FBXO32: variants seen among roughly 807,000 people sequenced by gnomAD.
FBXO32 encodes the protein F-box protein 32, also known as F-box only protein 32.
A neutral mutation model predicts 48.3 loss-of-function variants in FBXO32; 15 were observed. The observed-to-expected ratio is 0.31, with a 90% confidence interval of 0.21 to 0.48. The LOEUF (loss-of-function observed/expected upper bound fraction) is 0.48. Ranked by LOEUF, FBXO32 falls within the 20% of genes least tolerant of loss-of-function variation. FBXO32 has a pLI of 0.99. For missense variants in FBXO32, 309 were observed against 432.7 expected (o/e 0.71, Z 2.54); for synonymous variants, 154 against 165.9 (o/e 0.93, Z 0.55).
intron 1 of FBXO32, among the ~76,000 whole-genome samples, chr8:123,535,937 G>A (rs577749856): frequency 6.7e-6 from 1 of 150,046 alleles, no homozygotes; most frequent in African/African-American, 2.5e-5. Context: ...ATATACATCT[G>A]TTGGGTACAA....
chr8:123,508,367 T>C (rs907168616), intron 6 of FBXO32, among the ~76,000 whole-genome samples: 43 of 152,048 alleles, frequency 2.8e-4, no homozygotes, highest in Non-Finnish European at 2.5e-4. Flanking sequence ...CAAGGGGCCT[T>C]GGGAAGGCTA....
rs1816602290 is a variant in FBXO32, at chr8:123,505,689, C to G, written c.834+703G>C. Among the ~76,000 whole-genome samples the G allele has an allele frequency of 2.0e-5, 3 of 152,204 alleles. No homozygotes were observed. The South Asian group carries it at 6.2e-4, about 32-fold the overall frequency. ...AGGCAGAGGTTGCAGTGAGCTGAAACTGCACCACTGTACTCCAGCCTGGGT... is the reference window on the plus strand; with the variant it reads ...AGGCAGAGGTTGCAGTGAGCTGAAAGTGCACCACTGTACTCCAGCCTGGGT... On this transcript the variant is annotated intron_variant, in intron 7 of 8. Coordinates refer to ENST00000517956, the MANE Select transcript of FBXO32 (RefSeq NM_058229.4).
At chr8:123,512,206 A>T (rs1816749429) in intron 6 of FBXO32, among the ~76,000 whole-genome samples, 1 of 152,158 alleles carries the variant, frequency 6.6e-6, no homozygotes, top group Non-Finnish European at 1.5e-5. Flanking sequence ...GGCTCTAAGG[A>T]AGTCACATAC....
In FBXO32 at chr8:123,520,624, C is replaced by T. The variant is rs569905622; in HGVS notation, c.373-6291G>A. On this transcript the variant is annotated intron_variant, in intron 4 of 8. Transcript: ENST00000517956. ...AAAGTTTGAAGTGGTGTGTGCAAGA[C>T]GAATGGGCAGAAGAGAGATTTCCCT... 1.1e-4 allele frequency among the ~76,000 whole-genome samples: 16 copies of T among 152,248 alleles called. No individual in the cohort carries two copies. The South Asian group carries it at 2.7e-3, about 26-fold the overall frequency.
At chr8:123,507,921 A>G (rs1816661259) in intron 6 of FBXO32, among the ~76,000 whole-genome samples, 2 of 152,198 alleles carry the variant, frequency 1.3e-5, no homozygotes, top group Non-Finnish European at 2.9e-5. Flanking sequence ...GGAGGGAAGC[A>G]CAAAGCGCTG....
chr8:123,502,427 C>T lies in FBXO32; in HGVS notation c.*946G>A, dbSNP rs915175484. Reference sequence around the variant, plus strand: ...CATCTTTTCTGCAGCAGGACTTCCTCTGGGACGGCTTTTGTTTTGTTTTGT... The same window carrying T: ...CATCTTTTCTGCAGCAGGACTTCCTTTGGGACGGCTTTTGTTTTGTTTTGT... On this transcript the variant is annotated 3_prime_UTR_variant, in exon 9 of 9. Coordinates refer to ENST00000517956, the MANE Select transcript of FBXO32 (RefSeq NM_058229.4). The T allele has an allele frequency of 7.2e-5, 11 of 152,296 alleles. No individual in the cohort carries two copies. Among genetic ancestry groups the T allele is most frequent in the African/African-American group, 2.7e-4 (11 of 41,444 alleles). 9.4% of individuals were successfully genotyped at this position (152,296 alleles called of 1,614,324 possible). A position where few individuals can be genotyped will look rare whatever the true frequency, so the allele number is the denominator to read the frequency against.
rs80148293 is a variant in FBXO32, at chr8:123,508,977, C to T, written c.652-2403G>A. ...GTATAAAAGAAAAATTAGTCACTCT[C>T]GCTCCTCTAGTCAAGCATTTGGCTA... On this transcript the variant is annotated intron_variant, in intron 6 of 8. Coordinates refer to ENST00000517956, the MANE Select transcript of FBXO32 (RefSeq NM_058229.4). Among the ~76,000 whole-genome samples, 487 of 152,224 alleles carry T rather than the reference C, an allele frequency of 3.2e-3. 3 individuals carry two copies. The highest frequency in any genetic ancestry group is 0.011 in the African/African-American group (461 of 41,532).
intron 4 of FBXO32, among the ~76,000 whole-genome samples, chr8:123,517,593 A>G (rs956063072): frequency 9.2e-5 from 14 of 151,944 alleles, no homozygotes; most frequent in Admixed American, 7.2e-4. Context: ...TCATTTAGCA[A>G]GTATTTTCTG....
At chr8:123,510,735 A>G (rs1462010941) in intron 6 of FBXO32, among the ~76,000 whole-genome samples, 1 of 152,232 alleles carries the variant, frequency 6.6e-6, no homozygotes. Context: ...ACTCCCTTTC[A>G]ACCATTCATT....
At chr8:123,528,179 G>A (rs1003200897) in intron 4 of FBXO32, among the ~76,000 whole-genome samples, 3 of 152,300 alleles carry the variant, frequency 2.0e-5, no homozygotes, top group East Asian at 1.9e-4. Flanking sequence ...AACAAGCTTC[G>A]AAGGTGATTT....
At chr8:123,522,461 G>A (rs916684323) in intron 4 of FBXO32, among the ~76,000 whole-genome samples, 12 of 151,832 alleles carry the variant, frequency 7.9e-5, no homozygotes, top group African/African-American at 2.2e-4. Flanking sequence ...CACCTGCCTC[G>A]GCCTCCCAAA....
Position 123,506,571 on chromosome 8 carries a change from C to A in FBXO32, c.655G>T (p.Ala219Ser), listed in dbSNP as rs2130502806. The part of the protein sequence containing the change: ...QLNNIQITRP[A>S]FKGLTFTDLP... The stretch of plus-strand genomic sequence containing the variant: ...TCAGTGAAGGTGAGGCCTTTGAAGG[C>A]AGGCTGCAGAGAGAAGGGTGACAAT... The change falls in exon 7 of 9, where the codon GCC (alanine) becomes TCC (serine). Residue 219 changes from alanine (A) to serine (S), a missense_variant. Physicochemically the swap from Ala to Ser is moderately conservative, Grantham distance 99. Coordinates refer to ENST00000517956, the MANE Select transcript of FBXO32 (RefSeq NM_058229.4). The surrounding 1 kb of genome is among the most constrained non-coding windows in gnomAD (Gnocchi z 4.0). 6.3e-7 allele frequency: 1 copy of A among 1,588,148 alleles called. No individual in the cohort carries two copies. Among genetic ancestry groups the A allele is most frequent in the South Asian group, 1.1e-5 (1 of 88,382 alleles).
At chr8:123,521,858 T>G (rs1204814931) in intron 4 of FBXO32, among the ~76,000 whole-genome samples, 1 of 152,106 alleles carries the variant, frequency 6.6e-6, no homozygotes, top group East Asian at 1.9e-4. Flanking sequence ...TATAGGAAGG[T>G]TGCGTCTTCT....
chr8:123,527,710 C>T (rs902695524), intron 4 of FBXO32, among the ~76,000 whole-genome samples: 2 of 152,152 alleles, frequency 1.3e-5, no homozygotes, highest in African/African-American at 4.8e-5. Context: ...AGTTACATTG[C>T]ATTTTGAAAT....
Position 123,503,173 on chromosome 8 carries a change from T to C in FBXO32, c.*200A>G. ...CAGTATTTTGCTTTTCCATACCAAT[T>C]CTAGTGAGAAGTTCACATTCTTAAA... On this transcript the variant is annotated 3_prime_UTR_variant, in exon 9 of 9. Coordinates refer to ENST00000517956, the MANE Select transcript of FBXO32 (RefSeq NM_058229.4). The C allele has an allele frequency of 2.2e-6, 1 of 465,086 alleles. No individual in the cohort carries two copies. Among genetic ancestry groups the C allele is most frequent in the Non-Finnish European group, 3.8e-6 (1 of 262,148 alleles). 28.8% of individuals were successfully genotyped at this position (465,086 alleles called of 1,614,324 possible).
intron 4 of FBXO32, chr8:123,527,278 G>T (rs1422788239): frequency 6.6e-6 from 1 of 152,114 alleles, no homozygotes; most frequent in Admixed American, 6.5e-5. Context: ...TACAGGTTTT[G>T]GAGGAGTGTA....
rs1816632712 is a variant in FBXO32, at chr8:123,506,734, A to G, written c.652-160T>C. 1.6e-6 allele frequency: 1 copy of G among 627,292 alleles called. No individual in the cohort carries two copies. The highest frequency in any genetic ancestry group is 2.8e-6 in the Non-Finnish European group (1 of 353,110). The allele number at this position is 627,292 out of a possible 1,614,324, so 38.9% of individuals were successfully genotyped here. On this transcript the variant is annotated intron_variant, in intron 6 of 8. Coordinates refer to ENST00000517956, the MANE Select transcript of FBXO32 (RefSeq NM_058229.4). This position sits in a 1 kb window ranked among gnomAD's most constrained non-coding sequence, Gnocchi z 4.0. ...AAATCTCCCCATCCTAAATGCAGAC[A>G]GGAGACCATGGCCATGACCCTCAAT...
In FBXO32 at chr8:123,499,327, G is replaced by A. The variant is rs936341523; in HGVS notation, c.*4046C>T. On this transcript the variant is annotated 3_prime_UTR_variant, in exon 9 of 9. Coordinates refer to ENST00000517956, the MANE Select transcript of FBXO32 (RefSeq NM_058229.4). ...GACCTTGTTTGTTGAAGCCATCAAG[G>A]ACCCAAGATATATCAAAGAACAACA... The A allele has an allele frequency of 6.6e-6, 1 of 152,048 alleles. No individual in the cohort carries two copies. The highest frequency in any genetic ancestry group is 2.4e-5 in the African/African-American group (1 of 41,380). The allele number at this position is 152,048 out of a possible 1,614,324, so 9.4% of individuals were successfully genotyped here.
Position 123,534,797 on chromosome 8 carries a change from A to C in FBXO32, c.134T>G (p.Val45Gly). The change falls in exon 2 of 9, where the codon GTA (valine) becomes GGA (glycine). Residue 45 changes from valine to glycine, a missense_variant. By Grantham distance (109) the Val-to-Gly change is moderately radical. Transcript: ENST00000517956. ...GTTGAAAAGATTCTCCTTATTGTAT[A>C]CCTCCTTGTTGCAGTAACTATGAAT... ...SDLSSYCNKEVYNKENLFNSL... is the reference protein window; with the variant it reads ...SDLSSYCNKEGYNKENLFNSL... 6.2e-7 allele frequency: 1 copy of C among 1,611,370 alleles called. No homozygotes were observed. The highest frequency in any genetic ancestry group is 1.1e-5 in the South Asian group (1 of 90,880).
Sources: gnomAD v4.1 joint callset for allele counts (sites outside exome capture counted in the v4.1 genomes callset) on GRCh38, gnomAD v4.1.1 for gene constraint, Gnocchi (gnomAD v3.1) non-coding constraint, MANE v1.5 for transcripts, NCBI Gene and HGNC (gene_info 2026-07-23, HGNC 2026-07-21) for gene names.